The following RASEF variants were observed in gnomAD, a reference collection of about 807,000 sequenced individuals.
RASEF encodes the protein RAS and EF-hand domain containing, also known as ras and EF-hand domain-containing protein.
In RASEF, 68 loss-of-function variants were observed where a neutral mutation model predicts 90.1. The ratio of observed to expected loss-of-function variants is 0.75; its 90% CI spans 0.62 to 0.92. The LOEUF is 0.92. Ranked by LOEUF, RASEF falls within the 40% of genes least tolerant of loss-of-function variation. RASEF has a pLI of 0.00. For synonymous variants in RASEF, 331 were observed against 345.2 expected (o/e 0.96, Z 0.46); for missense variants, 949 against 937.2 (o/e 1.01, Z -0.16).
At chr9:83,049,440 T>A (rs1041399768) in intron 1 of RASEF, 1 of 619,510 alleles carries the variant, frequency 1.6e-6, no homozygotes, top group Non-Finnish European at 2.0e-6. Flanking sequence ...CTTTTCTATT[T>A]AGACCACAGA....
chr9:83,041,565 A>G (rs543448658), intron 1 of RASEF, among the ~76,000 whole-genome samples: 2 of 152,360 alleles, frequency 1.3e-5, no homozygotes, highest in African/African-American at 4.8e-5. Flanking sequence ...ACATTTCAAC[A>G]GTGAAGTAAG....
chr9:82,988,975 TC>T (rs1828763113), intron 16 of RASEF, among the ~76,000 whole-genome samples: 1 of 152,142 alleles, frequency 6.6e-6, no homozygotes, highest in Non-Finnish European at 1.5e-5. Context: ...GGGAGGTGAC[TC>T]TCTCTCCTGG....
At chr9:83,049,064 C>T (rs1240633334) in intron 1 of RASEF, among the ~76,000 whole-genome samples, 1 of 148,386 alleles carries the variant, frequency 6.7e-6, no homozygotes, top group Non-Finnish European at 1.5e-5. Context: ...GCAAAGGTTG[C>T]AGTGAGCTGA....
At chr9:83,187,522 C>T in the RASEF span, among the ~76,000 whole-genome samples, 1 of 152,066 alleles carries the variant, frequency 6.6e-6, no homozygotes, top group Admixed American at 6.5e-5. Context: ...AAAACAAAAA[C>T]AAAGAAGAAA....
the RASEF span, among the ~76,000 whole-genome samples, chr9:83,164,373 A>ATATATATATATATATATATG: frequency 3.7e-4 from 53 of 141,952 alleles, no homozygotes; most frequent in Non-Finnish European, 6.9e-4. Context: ...ATATATATAT[A>ATATATATATATATATATATG]TGTGTGTGTG....
the RASEF span, among the ~76,000 whole-genome samples, chr9:83,193,993 A>G: frequency 6.6e-6 from 1 of 152,212 alleles, no homozygotes; most frequent in Non-Finnish European, 1.5e-5. Flanking sequence ...ACTTTTTCTT[A>G]CAGAATAATT....
chr9:83,190,029 C>T, the RASEF span, among the ~76,000 whole-genome samples: 1 of 152,176 alleles, frequency 6.6e-6, no homozygotes, highest in African/African-American at 2.4e-5. Flanking sequence ...TGCTCGCCCA[C>T]TTCGCTTCCC....
rs533820495 is a variant in RASEF at position 83,011,569 on chromosome 9, A to C, written c.843+865T>G. Reference sequence around the variant, plus strand: ...CCATCTCAAAAAAAAAAAAAAAAAAAAAAAAAACTGAAATTTTATAGACTC... The same window carrying C: ...CCATCTCAAAAAAAAAAAAAAAAAACAAAAAAACTGAAATTTTATAGACTC... On this transcript the variant is annotated intron_variant, in intron 5 of 16. Transcript: ENST00000376447. Among the ~76,000 whole-genome samples the C allele has an allele frequency of 5.3e-5, 8 of 150,728 alleles. No individual in the cohort carries two copies. The East Asian group carries it at 1.5e-3, about 29-fold the overall frequency.
At position 82,981,080 on chromosome 9, in the gene RASEF, G is replaced by T. The variant is rs748434173; in HGVS notation, c.*1597C>A. The stretch of plus-strand genomic sequence containing the variant: ...TGAACAGAAAAAAGATTGCTACATG[G>T]AATTGTTTCGATTCAACAAAAATAA... On this transcript the variant is annotated 3_prime_UTR_variant, in exon 17 of 17. Coordinates refer to ENST00000376447, the MANE Select transcript of RASEF (RefSeq NM_152573.4). The T allele has an allele frequency of 6.6e-6, 1 of 152,294 alleles. No homozygotes were observed. The allele number at this position is 152,294 out of a possible 1,614,324, so 9.4% of individuals were successfully genotyped here. A position where few individuals can be genotyped will look rare whatever the true frequency, so the allele number is the denominator to read the frequency against.
intron 1 of RASEF, among the ~76,000 whole-genome samples, chr9:83,040,177 C>T (rs767165716): frequency 3.9e-5 from 6 of 152,078 alleles, no homozygotes; most frequent in Non-Finnish European, 8.8e-5. Context: ...TTATAAATTA[C>T]CCAGTCTCAG....
the RASEF span, among the ~76,000 whole-genome samples, chr9:83,119,247 G>C: frequency 6.8e-6 from 1 of 148,032 alleles, no homozygotes; most frequent in African/African-American, 2.5e-5. Flanking sequence ...TCAAACTCCT[G>C]ACCCCAAGTG....
the RASEF span, among the ~76,000 whole-genome samples, chr9:83,218,303 T>A: frequency 2.6e-5 from 4 of 152,168 alleles, no homozygotes; most frequent in Admixed American, 2.6e-4. Context: ...TAATAGATGG[T>A]AACTCTTTTG....
At chr9:83,187,244 C>T in the RASEF span, among the ~76,000 whole-genome samples, 1 of 152,120 alleles carries the variant, frequency 6.6e-6, no homozygotes, top group African/African-American at 2.4e-5. Flanking sequence ...TGGCGTGCCC[C>T]ACCTCTTGTC....
the RASEF span, among the ~76,000 whole-genome samples, chr9:83,207,493 AG>A: frequency 2.6e-5 from 4 of 151,826 alleles, no homozygotes; most frequent in Non-Finnish European, 5.9e-5. Context: ...CACATTCTCC[AG>A]GGGGCCCTCT....
At chr9:83,187,165 T>G in the RASEF span, among the ~76,000 whole-genome samples, 1 of 152,186 alleles carries the variant, frequency 6.6e-6, no homozygotes, top group Non-Finnish European at 1.5e-5. Context: ...ATAAAGGCTC[T>G]GGTCTAAGCC....
At chr9:83,068,338 A>G in the RASEF span, among the ~76,000 whole-genome samples, 3,787 of 152,358 alleles carry the variant, frequency 0.025, 144 homozygotes, top group African/African-American at 0.086. Context: ...TGAAGTGAGC[A>G]GGACCTGTGA....
chr9:83,000,812 T>C, intron 10 of RASEF, 84 bp downstream of exon 10: 1 of 1,221,468 alleles, frequency 8.2e-7, no homozygotes, highest in Non-Finnish European at 1.2e-6. Context: ...TTAAAACAGA[T>C]TTCCATGACA....
intron 1 of RASEF, among the ~76,000 whole-genome samples, chr9:83,038,140 C>A (rs756559240): frequency 2.6e-5 from 4 of 151,990 alleles, no homozygotes; most frequent in African/African-American, 7.2e-5. Context: ...TAAACGAACA[C>A]AACTTGGTAA....
At chr9:83,218,836 C>G in the RASEF span, among the ~76,000 whole-genome samples, 1 of 152,156 alleles carries the variant, frequency 6.6e-6, no homozygotes, top group Admixed American at 6.5e-5. Context: ...AGAAAGTCGA[C>G]GGTCTGGGAA....
Sources: allele counts gnomAD v4.1 joint callset (sites outside exome capture counted in the v4.1 genomes callset), GRCh38; gene constraint gnomAD v4.1.1; transcripts MANE v1.5; gene names NCBI Gene and HGNC (gene_info 2026-07-23, HGNC 2026-07-21).